Variants in ZNF665 observed in about 807,000 individuals in gnomAD.
The protein encoded by ZNF665 is zinc finger protein 665.
ZNF665 carries 6 observed loss-of-function variants against 7.9 expected under a neutral mutation model. The observed-to-expected ratio is 0.76, with a 90% CI of 0.42 to 1.50. ZNF665 has a LOEUF of 1.50. Among genes scored for constraint, ZNF665 ranks in the 40% most tolerant of loss-of-function variants. The pLI is 0.01. For missense variants in ZNF665, 819 were observed against 806.7 expected (o/e 1.02, Z -0.18); for synonymous variants, 242 against 274.5 (o/e 0.88, Z 1.17).
In ZNF665 at chr19:53,163,721, T is replaced by C. The variant is rs2090580752; in HGVS notation, c.*732A>G. 1 of 152,212 alleles carries C rather than the reference T, an allele frequency of 6.6e-6. No homozygotes were observed. Among genetic ancestry groups the C allele is most frequent in the South Asian group, 2.1e-4 (1 of 4,834 alleles). The allele number at this position is 152,212 out of a possible 1,614,324, so 9.4% of individuals were successfully genotyped here. A position where few individuals can be genotyped will look rare whatever the true frequency, so the allele number is the denominator to read the frequency against. On this transcript the variant is annotated 3_prime_UTR_variant, in exon 4 of 4. Coordinates refer to ENST00000396424, the MANE Select transcript of ZNF665 (RefSeq NM_024733.5). ...AGTAATTGGCCATTTCCAAACATCCTACAACCTTTGATATGTATCATGTAA... is the reference window on the plus strand; with the variant it reads ...AGTAATTGGCCATTTCCAAACATCCCACAACCTTTGATATGTATCATGTAA...
In ZNF665 at chr19:53,165,373, G is replaced by A. The variant is rs765070057; in HGVS notation, c.1117C>T (p.Pro373Ser). ...KHRRIHTGEKPYKCNECGKAF... is the reference protein window; with the variant it reads ...KHRRIHTGEKSYKCNECGKAF... The stretch of plus-strand genomic sequence containing the variant: ...TTCCCACACTCATTACACTTGTAAG[G>A]TTTCTCACCAGTATGAATTCGCCGA... The change falls in exon 4 of 4, where the codon CCT becomes TCT. Residue 373 changes from proline (P) to serine (S), a missense_variant. Coordinates refer to ENST00000396424, the MANE Select transcript of ZNF665 (RefSeq NM_024733.5). The A allele has an allele frequency of 3.1e-6, 5 of 1,614,164 alleles. No homozygotes were observed. The highest frequency in any genetic ancestry group is 2.5e-6 in the Non-Finnish European group (3 of 1,180,016).
In ZNF665 at chr19:53,193,309, C is replaced by CA. The variant is rs1328059010; in HGVS notation, c.-46+2dup. On this transcript the variant is annotated splice_region_variant and intron_variant, in intron 1 of 3. Coordinates refer to ENST00000396424, the MANE Select transcript of ZNF665 (RefSeq NM_024733.5). ...GGTTTAATCTAGATAGAGGGAAACT[C>CA]ACGCGGCGACTAACAGCCTTCACTC... 2.0e-5 allele frequency: 3 copies of CA among 152,266 alleles called. No individual in the cohort carries two copies. The highest frequency in any genetic ancestry group is 6.5e-5 in the Admixed American group (1 of 15,286). The allele number at this position is 152,266 out of a possible 1,614,324, so 9.4% of individuals were successfully genotyped here. A position where few individuals can be genotyped will look rare whatever the true frequency, so the allele number is the denominator to read the frequency against.
At chr19:53,168,296 T>C (rs1299335803) in intron 3 of ZNF665, among the ~76,000 whole-genome samples, 1 of 152,120 alleles carries the variant, frequency 6.6e-6, no homozygotes, top group African/African-American at 2.4e-5. Context: ...GAATCAATTT[T>C]ATTTCTATAT....
intron 3 of ZNF665, among the ~76,000 whole-genome samples, chr19:53,171,524 A>ATATATATATATATATT (rs372855271): frequency 1.1e-3 from 73 of 69,310 alleles, no homozygotes; most frequent in Non-Finnish European, 1.4e-3. Context: ...ATATATATAT[A>ATATATATATATATATT]TTTTTTTTTT....
chr19:53,189,312 T>C lies in ZNF665; in HGVS notation c.-46+4000A>G, dbSNP rs374370344. Reference sequence around the variant, plus strand: ...ACAAAGAGATAAAAGAAAAGGCAGCTGCGCCCGGGGGACCACTACCACCAA... The same window carrying C: ...ACAAAGAGATAAAAGAAAAGGCAGCCGCGCCCGGGGGACCACTACCACCAA... On this transcript the variant is annotated intron_variant, in intron 1 of 3. Transcript: ENST00000396424. 4.6e-5 allele frequency among the ~76,000 whole-genome samples: 7 copies of C among 151,808 alleles called. No homozygotes were observed. The East Asian group carries it at 9.7e-4, about 21-fold the overall frequency.
In ZNF665 at chr19:53,165,929, G is replaced by A. The variant is rs2090610204; in HGVS notation, c.561C>T (p.Phe187=). 1 of 1,614,004 alleles carries A rather than the reference G, an allele frequency of 6.2e-7. No homozygotes were observed. Among genetic ancestry groups the A allele is most frequent in the Non-Finnish European group, 8.5e-7 (1 of 1,180,044 alleles). The part of the protein sequence containing the change: ...HYKCDECGKV[F]SQNSRLTSHK... Reference sequence around the variant, plus strand: ...GACTTGTTAGCCGTGAGTTTTGACTGAAGACCTTGCCACATTCATCACATT... The same window carrying A: ...GACTTGTTAGCCGTGAGTTTTGACTAAAGACCTTGCCACATTCATCACATT... Residue 187 remains phenylalanine (F), a synonymous_variant, in exon 4 of 4, where the codon TTC becomes TTT. Transcript: ENST00000396424.
intron 1 of ZNF665, among the ~76,000 whole-genome samples, chr19:53,190,562 G>A (rs759856930): frequency 2.0e-5 from 3 of 152,156 alleles, no homozygotes; most frequent in Non-Finnish European, 4.4e-5. Context: ...GATAAATACC[G>A]TGATTCTCTT....
intron 2 of ZNF665, among the ~76,000 whole-genome samples, chr19:53,176,993 C>T (rs1290409047): frequency 6.6e-6 from 1 of 152,080 alleles, no homozygotes; most frequent in Non-Finnish European, 1.5e-5. Flanking sequence ...GTGGCAGGCA[C>T]CTGTGATCCC....
rs1226441327 is a variant in ZNF665, at chr19:53,185,004, A to C, written c.-45-2061T>G. On this transcript the variant is annotated intron_variant, in intron 1 of 3. Coordinates refer to ENST00000396424, the MANE Select transcript of ZNF665 (RefSeq NM_024733.5). ...CTTTTTGTACTTTCCCTAATTTGCT[A>C]CTGCTATCTAAAGGCAGAGCCAGGT... 5.3e-5 allele frequency among the ~76,000 whole-genome samples: 8 copies of C among 152,166 alleles called. No individual in the cohort carries two copies. In the East Asian group the frequency reaches 1.5e-3, roughly 29 times the overall value.
intron 3 of ZNF665, among the ~76,000 whole-genome samples, chr19:53,166,910 C>T (rs1318543299): frequency 6.6e-6 from 1 of 152,080 alleles, no homozygotes; most frequent in Non-Finnish European, 1.5e-5. Context: ...TTTCTGAATA[C>T]CTGTTATAAA....
At chr19:53,170,425 G>T (rs2090648810) in intron 3 of ZNF665, among the ~76,000 whole-genome samples, 1 of 152,168 alleles carries the variant, frequency 6.6e-6, no homozygotes, top group Admixed American at 6.6e-5. Context: ...GAACCTTTGT[G>T]TTGAAACGAC....
At chr19:53,177,428 T>C (rs952296740) in intron 2 of ZNF665, among the ~76,000 whole-genome samples, 1 of 151,952 alleles carries the variant, frequency 6.6e-6, no homozygotes, top group Non-Finnish European at 1.5e-5. Context: ...TGAAACGCTG[T>C]CTCTACTAAA....
intron 1 of ZNF665, among the ~76,000 whole-genome samples, chr19:53,188,854 C>G (rs548160482): frequency 6.6e-6 from 1 of 151,874 alleles, no homozygotes; most frequent in Non-Finnish European, 1.5e-5. Context: ...CACATCACCA[C>G]GGCCAGCTAA....
In ZNF665 at chr19:53,166,306, C is replaced by G; in HGVS notation, c.184G>C (p.Gly62Arg). ...AACGCTTCTCCCATATTGTTCTTCC[C>G]CTTTGGTGGCAAATCCGTGTTTACA... ...KCVNTDLPPK[G>R]KNNMGEAFYT... The change falls in exon 4 of 4, where the codon GGG becomes CGG. Residue 62 changes from glycine (G) to arginine (R), a missense_variant. Transcript: ENST00000396424. The G allele has an allele frequency of 1.3e-6, 2 of 1,596,172 alleles. No individual in the cohort carries two copies. The highest frequency in any genetic ancestry group is 1.7e-6 in the Non-Finnish European group (2 of 1,172,760).
chr19:53,175,661 G>A (rs1363591579), intron 2 of ZNF665, 90 bp from the exon 3 acceptor site: 15 of 1,457,154 alleles, frequency 1.0e-5, no homozygotes, highest in Non-Finnish European at 1.4e-5. Context: ...GTAAGAATAG[G>A]TTCAATTCAC....
intron 2 of ZNF665, among the ~76,000 whole-genome samples, chr19:53,178,709 T>C (rs529584385): frequency 1.3e-5 from 2 of 152,324 alleles, no homozygotes; most frequent in African/African-American, 4.8e-5. Context: ...GTTCAAATAG[T>C]GTTTTATGAA....
chr19:53,171,027 C>A (rs1252504596), intron 3 of ZNF665, among the ~76,000 whole-genome samples: 1 of 152,072 alleles, frequency 6.6e-6, no homozygotes, highest in Non-Finnish European at 1.5e-5. Context: ...GCTCTGTCAC[C>A]AGGCTGGAGT....
chr19:53,166,668 T>C (rs553785748), intron 3 of ZNF665, among the ~76,000 whole-genome samples: 15 of 152,326 alleles, frequency 9.8e-5, no homozygotes, highest in Admixed American at 2.6e-4. Flanking sequence ...GTATATTTTA[T>C]ATGGCTGTCA....
chr19:53,171,524 A>ATATATATATATTTTT (rs372855271), intron 3 of ZNF665, among the ~76,000 whole-genome samples: 63 of 69,320 alleles, frequency 9.1e-4, no homozygotes, highest in Admixed American at 1.6e-3. Flanking sequence ...ATATATATAT[A>ATATATATATATTTTT]TTTTTTTTTT....
Sources: gnomAD v4.1 joint callset for allele counts (sites outside exome capture counted in the v4.1 genomes callset) on GRCh38, gnomAD v4.1.1 for gene constraint, MANE v1.5 for transcripts, NCBI Gene and HGNC (gene_info 2026-07-23, HGNC 2026-07-21) for gene names.